Variants in ELF5 observed in about 807,000 individuals in gnomAD.
ELF5 encodes the protein ETS-related transcription factor Elf-5.
A neutral mutation model predicts 38.2 loss-of-function variants in ELF5; 31 were observed. The observed-to-expected ratio is 0.81, with a 90% CI of 0.61 to 1.10. ELF5 has a LOEUF of 1.10. ELF5 is among the 50% of genes least tolerant of loss of function. The pLI, the probability that ELF5 is intolerant of heterozygous loss-of-function variation, is 0.00. For missense variants in ELF5, 300 were observed against 306.6 expected (o/e 0.98, Z 0.16); for synonymous variants, 121 against 112.5 (o/e 1.08, Z -0.48).
At chr11:34,500,462 T>A (rs981192820) in intron 2 of ELF5, among the ~76,000 whole-genome samples, 2 of 152,084 alleles carry the variant, frequency 1.3e-5, no homozygotes, top group Non-Finnish European at 2.9e-5. Context: ...AAAGAGACCA[T>A]GAGATGGAAA....
chr11:34,492,667 A>G (rs1850206433), intron 3 of ELF5: 1 of 152,214 alleles, frequency 6.6e-6, no homozygotes. Context: ...CCTCTCAAAA[A>G]GCCCATGGAG....
intron 1 of ELF5, among the ~76,000 whole-genome samples, chr11:34,509,131 A>C (rs1850688583): frequency 6.6e-6 from 1 of 152,124 alleles, no homozygotes. Context: ...GGAGTTCGAG[A>C]CCAGCCTGGA....
At chr11:34,484,539 A>G (rs946591865) in intron 4 of ELF5, among the ~76,000 whole-genome samples, 21 of 142,962 alleles carry the variant, frequency 1.5e-4, no homozygotes, top group African/African-American at 5.4e-4. Context: ...TATACTGTAC[A>G]ACTATCCCTG....
chr11:34,508,661 A>G (rs1324495715), intron 1 of ELF5, among the ~76,000 whole-genome samples: 1 of 152,168 alleles, frequency 6.6e-6, no homozygotes, highest in Non-Finnish European at 1.5e-5. Context: ...AAAGTTTGCA[A>G]CCCCTAACCA....
intron 2 of ELF5, among the ~76,000 whole-genome samples, chr11:34,505,222 G>A (rs947665797): frequency 2.0e-5 from 3 of 152,048 alleles, no homozygotes; most frequent in African/African-American, 7.2e-5. Flanking sequence ...CACAAGGTTT[G>A]GTACACAGCT....
chr11:34,491,142 T>G (rs1308776156), intron 3 of ELF5, among the ~76,000 whole-genome samples: 1 of 152,152 alleles, frequency 6.6e-6, no homozygotes, highest in Non-Finnish European at 1.5e-5. Context: ...CATGAGGTAA[T>G]AACCCCCAGT....
At chr11:34,497,826 G>T (rs184455166) in intron 2 of ELF5, among the ~76,000 whole-genome samples, 26 of 152,320 alleles carry the variant, frequency 1.7e-4, no homozygotes, top group African/African-American at 5.3e-4. Context: ...TCATGGGCTG[G>T]ATCACTCCTG....
intron 3 of ELF5, among the ~76,000 whole-genome samples, chr11:34,491,207 C>G (rs1348102800): frequency 6.6e-6 from 1 of 152,136 alleles, no homozygotes; most frequent in African/African-American, 2.4e-5. Context: ...AAAGGTAGTG[C>G]TATGGTAATA....
chr11:34,480,079 C>T lies in ELF5; in HGVS notation c.*139G>A, dbSNP rs1856897034. 2.0e-5 allele frequency: 14 copies of T among 686,356 alleles called. No individual in the cohort carries two copies. In the East Asian group the frequency reaches 3.8e-4, roughly 19 times the overall value. 42.5% of individuals were successfully genotyped at this position (686,356 alleles called of 1,614,324 possible). A position where few individuals can be genotyped will look rare whatever the true frequency, so the allele number is the denominator to read the frequency against. On this transcript the variant is annotated 3_prime_UTR_variant, in exon 7 of 7. Transcript: ENST00000257832. The stretch of plus-strand genomic sequence containing the variant: ...CAACAACTCTGAATCCAAATGTAAG[C>T]TGAGATGTGGAGAAATTTTATCAGC...
At chr11:34,482,407 T>C in intron 5 of ELF5, 24 bp downstream of exon 5, 1 of 1,606,336 alleles carries the variant, frequency 6.2e-7, no homozygotes, top group Non-Finnish European at 8.5e-7. Flanking sequence ...GAAATTAGAA[T>C]GAAAACTGGC....
chr11:34,480,078 G>C lies in ELF5; in HGVS notation c.*140C>G, dbSNP rs560546812. 5.9e-6 allele frequency: 4 copies of C among 682,120 alleles called. No homozygotes were observed. In the East Asian group the frequency reaches 1.1e-4, roughly 19 times the overall value. 42.3% of individuals were successfully genotyped at this position (682,120 alleles called of 1,614,324 possible). A position where few individuals can be genotyped will look rare whatever the true frequency, so the allele number is the denominator to read the frequency against. Reference sequence around the variant, plus strand: ...ACAACAACTCTGAATCCAAATGTAAGCTGAGATGTGGAGAAATTTTATCAG... The same window carrying C: ...ACAACAACTCTGAATCCAAATGTAACCTGAGATGTGGAGAAATTTTATCAG... On this transcript the variant is annotated 3_prime_UTR_variant, in exon 7 of 7. Coordinates refer to ENST00000257832, the MANE Select transcript of ELF5 (RefSeq NM_001422.4).
Position 34,493,518 on chromosome 11 carries a change from C to G in ELF5, c.316G>C (p.Glu106Gln), listed in dbSNP as rs367861770. ...TTCTGGAGGATGAAGTACAGGTACT[C>G]GCCGCAGAGGCCAGCTGCCTCGACG... ...EFVEAAGLCG[E>Q]YLYFILQNIR... Residue 106 changes from glutamate (E) to glutamine (Q), a missense_variant, in exon 3 of 7, where the codon GAG (glutamate) becomes CAG (glutamine). By Grantham distance (29) the Glu-to-Gln change is conservative. Coordinates refer to ENST00000257832, the MANE Select transcript of ELF5 (RefSeq NM_001422.4). 6.2e-7 allele frequency: 1 copy of G among 1,614,066 alleles called. No homozygotes were observed. Among genetic ancestry groups the G allele is most frequent in the South Asian group, 1.1e-5 (1 of 91,064 alleles).
chr11:34,511,871 G>A, intron 1 of ELF5: 1 of 417,534 alleles, frequency 2.4e-6, no homozygotes, highest in Non-Finnish European at 4.3e-6. Flanking sequence ...CTCTGGGCAT[G>A]TGACCAAAAA....
chr11:34,496,111 G>A (rs897178230), intron 2 of ELF5, among the ~76,000 whole-genome samples: 6 of 152,212 alleles, frequency 3.9e-5, no homozygotes, highest in African/African-American at 1.4e-4. Context: ...CACTTGAAGA[G>A]GGCCATATTG....
At position 34,478,948 on chromosome 11, in the gene ELF5, A is replaced by T. The variant is rs763761051; in HGVS notation, c.*1270T>A. 6.6e-6 allele frequency: 1 copy of T among 152,668 alleles called. No homozygotes were observed. The highest frequency in any genetic ancestry group is 2.4e-5 in the African/African-American group (1 of 41,460). The allele number at this position is 152,668 out of a possible 1,614,324, so 9.5% of individuals were successfully genotyped here. On this transcript the variant is annotated 3_prime_UTR_variant, in exon 7 of 7. Coordinates refer to ENST00000257832, the MANE Select transcript of ELF5 (RefSeq NM_001422.4). ...AAGGAGGTCTTCAGCCTGTACAGCG[A>T]TTCAGTGCCTCACCACTTGATTCCT... is the stretch of plus-strand genomic sequence containing the variant.
chr11:34,500,953 C>T (rs991657416), intron 2 of ELF5, among the ~76,000 whole-genome samples: 1 of 149,810 alleles, frequency 6.7e-6, no homozygotes, highest in Non-Finnish European at 1.5e-5. Flanking sequence ...TTATTGAGCA[C>T]TTAGTATGTG....
At chr11:34,494,985 T>G (rs1850281734) in intron 2 of ELF5, among the ~76,000 whole-genome samples, 1 of 152,196 alleles carries the variant, frequency 6.6e-6, no homozygotes, top group African/African-American at 2.4e-5. Flanking sequence ...ATGTTAAGGA[T>G]TCATGGTGGA....
intron 4 of ELF5, 65 bp downstream of exon 4, chr11:34,489,944 G>T: frequency 6.4e-7 from 1 of 1,566,158 alleles, no homozygotes; most frequent in Non-Finnish European, 8.8e-7. Context: ...CTAAAAGAAT[G>T]GTCAAGCCCA....
At chr11:34,511,428 C>G in intron 1 of ELF5, 2 of 1,403,726 alleles carry the variant, frequency 1.4e-6, no homozygotes, top group Non-Finnish European at 2.0e-6. Context: ...CAGTTTCCCC[C>G]AAATGTAGTC....
Sources: gnomAD v4.1 joint callset for allele counts (sites outside exome capture counted in the v4.1 genomes callset) on GRCh38, gnomAD v4.1.1 for gene constraint, MANE v1.5 for transcripts, NCBI Gene and HGNC (gene_info 2026-07-23, HGNC 2026-07-21) for gene names.